TENM3: variants seen among roughly 807,000 people sequenced by gnomAD.
TENM3 encodes teneurin transmembrane protein 3.
Under a neutral mutation model 255.1 loss-of-function variants are expected in TENM3, and 63 were observed. The observed-to-expected ratio is 0.25, with a 90% CI of 0.20 to 0.30. The LOEUF is 0.30. Among genes scored for constraint, TENM3 ranks in the 10% least tolerant of loss-of-function variants. The pLI is 1.00. For missense variants in TENM3, 2,929 were observed against 3,461.1 expected (o/e 0.85, Z 3.86); for synonymous variants, 1,306 against 1,322.3 (o/e 0.99, Z 0.27).
chr4:182,384,567 A>G (rs895106122), intron 3 of TENM3, among the ~76,000 whole-genome samples: 2 of 152,114 alleles, frequency 1.3e-5, no homozygotes, highest in Non-Finnish European at 2.9e-5. Context: ...TGACTTTCAA[A>G]AACACCACCG....
chr4:182,559,801 C>T (rs1240807677), intron 3 of TENM3, among the ~76,000 whole-genome samples: 1 of 151,724 alleles, frequency 6.6e-6, no homozygotes, highest in Non-Finnish European at 1.5e-5. Context: ...TAACTAGCCC[C>T]ATGGTTAATG....
intron 1 of TENM3, among the ~76,000 whole-genome samples, chr4:182,214,977 G>A (rs1019314068): frequency 1.3e-5 from 2 of 152,048 alleles, no homozygotes; most frequent in South Asian, 2.1e-4. Flanking sequence ...TAACAAAATC[G>A]TGGCACACAA....
chr4:181,970,935 A>T, the TENM3 span, among the ~76,000 whole-genome samples: 13 of 152,210 alleles, frequency 8.5e-5, no homozygotes, highest in African/African-American at 2.9e-4. Flanking sequence ...TACAGTTCCA[A>T]TATTGGCTGG....
intron 1 of TENM3, among the ~76,000 whole-genome samples, chr4:182,176,530 A>G (rs1470167875): frequency 3.3e-5 from 5 of 152,196 alleles, no homozygotes; most frequent in Admixed American, 6.5e-5. Context: ...TTGGTTTGAA[A>G]ATGAATATTC....
At chr4:181,476,047 T>G in the TENM3 span, among the ~76,000 whole-genome samples, 3 of 152,094 alleles carry the variant, frequency 2.0e-5, no homozygotes, top group Admixed American at 6.5e-5. Flanking sequence ...AACACCAAGG[T>G]TGAGAACTGT....
chr4:182,767,511 G>C (rs2152781815), intron 22 of TENM3, among the ~76,000 whole-genome samples: 1 of 152,222 alleles, frequency 6.6e-6, no homozygotes, highest in South Asian at 2.1e-4. Context: ...AACTATGGAA[G>C]GAAATTTGAG....
At chr4:181,539,077 C>T in the TENM3 span, among the ~76,000 whole-genome samples, 3 of 152,156 alleles carry the variant, frequency 2.0e-5, no homozygotes, top group African/African-American at 7.2e-5. Context: ...ATTTTTCACA[C>T]TCATCCAGTA....
At chr4:182,237,722 G>A (rs990453127) in intron 1 of TENM3, among the ~76,000 whole-genome samples, 1 of 152,104 alleles carries the variant, frequency 6.6e-6, no homozygotes, top group Non-Finnish European at 1.5e-5. Flanking sequence ...GCCATACCTG[G>A]CAATTAAACA....
chr4:182,583,939 G>C (rs1745758808), intron 3 of TENM3, among the ~76,000 whole-genome samples: 1 of 152,116 alleles, frequency 6.6e-6, no homozygotes, highest in Non-Finnish European at 1.5e-5. Flanking sequence ...TAAAATATGG[G>C]TTAAAGCAAA....
chr4:182,051,586 T>C, the TENM3 span, among the ~76,000 whole-genome samples: 1 of 151,924 alleles, frequency 6.6e-6, no homozygotes, highest in African/African-American at 2.4e-5. Flanking sequence ...ACCATGTTGG[T>C]CAAGATGGTC....
chr4:182,153,659 G>A (rs1382594256), intron 1 of TENM3, among the ~76,000 whole-genome samples: 1 of 152,088 alleles, frequency 6.6e-6, no homozygotes, highest in Non-Finnish European at 1.5e-5. Context: ...AGGACTGAGT[G>A]CTTGTTCTAT....
chr4:182,697,539 T>A (rs1310893905), intron 12 of TENM3, among the ~76,000 whole-genome samples: 1 of 152,084 alleles, frequency 6.6e-6, no homozygotes. Flanking sequence ...ATAAGAAATT[T>A]GATGGACAGA....
the TENM3 span, among the ~76,000 whole-genome samples, chr4:181,905,581 T>G: frequency 6.6e-6 from 1 of 151,772 alleles, no homozygotes; most frequent in South Asian, 2.1e-4. Context: ...TTCTTTTACA[T>G]GAACTACTAT....
intron 1 of TENM3, among the ~76,000 whole-genome samples, chr4:182,168,198 A>G (rs1191934725): frequency 1.3e-5 from 2 of 151,788 alleles, no homozygotes; most frequent in African/African-American, 4.8e-5. Flanking sequence ...GCAGTGGTGC[A>G]ATCACGGGTC....
the TENM3 span, among the ~76,000 whole-genome samples, chr4:181,780,371 A>G: frequency 2.0e-5 from 3 of 152,068 alleles, no homozygotes; most frequent in South Asian, 2.1e-4. Flanking sequence ...TTTGATTTGC[A>G]TTTCTCTGAT....
At chr4:182,342,216 A>G (rs1207025207) in intron 2 of TENM3, among the ~76,000 whole-genome samples, 1 of 152,232 alleles carries the variant, frequency 6.6e-6, no homozygotes, top group Non-Finnish European at 1.5e-5. Context: ...TCATAATAGT[A>G]AAAAAGATAG....
At chr4:181,877,131 T>C in the TENM3 span, 1 of 152,108 alleles carries the variant, frequency 6.6e-6, no homozygotes, top group Non-Finnish European at 1.5e-5. Context: ...TCTAGTGAAA[T>C]GTGTAAAAAT....
At chr4:181,977,382 G>T in the TENM3 span, among the ~76,000 whole-genome samples, 3 of 152,152 alleles carry the variant, frequency 2.0e-5, no homozygotes, top group Non-Finnish European at 4.4e-5. Flanking sequence ...AGCAGAAATA[G>T]GATTTGAACC....
At chr4:182,487,099 G>A (rs1000527762) in intron 3 of TENM3, among the ~76,000 whole-genome samples, 11 of 152,112 alleles carry the variant, frequency 7.2e-5, no homozygotes, top group East Asian at 3.9e-4. Flanking sequence ...CCTTTAACCC[G>A]CTAATTCTTG....
Sources: allele counts gnomAD v4.1 joint callset (sites outside exome capture counted in the v4.1 genomes callset), GRCh38; gene constraint gnomAD v4.1.1; transcripts MANE v1.5; gene names NCBI Gene and HGNC (gene_info 2026-07-23, HGNC 2026-07-21).